TENM4: variants seen among roughly 807,000 people sequenced by gnomAD.
The protein encoded by TENM4 is teneurin transmembrane protein 4, also known as teneurin-4.
A neutral mutation model predicts 243.3 loss-of-function variants in TENM4; 82 were observed. That is an observed-to-expected ratio of 0.34 (90% confidence interval 0.28 to 0.40). The LOEUF is 0.40. TENM4 is among the 10% of genes least tolerant of loss of function. The pLI, the probability that TENM4 is intolerant of heterozygous loss-of-function variation, is 1.00. For missense variants in TENM4, 3,138 were observed against 3,673.3 expected (o/e 0.85, Z 3.77); for synonymous variants, 1,412 against 1,456.3 (o/e 0.97, Z 0.69).
intron 3 of TENM4, among the ~76,000 whole-genome samples, chr11:79,151,290 C>T (rs1591317470): frequency 6.6e-6 from 1 of 152,188 alleles, no homozygotes; most frequent in African/African-American, 2.4e-5. Context: ...GCTGTGGCAG[C>T]TCTACAATGA....
At chr11:79,113,392 G>GGTGTGTGTGTGT (rs113144339) in intron 4 of TENM4, among the ~76,000 whole-genome samples, 7,640 of 145,064 alleles carry the variant, frequency 0.053, 218 homozygotes, top group Middle Eastern at 0.078. Context: ...CTATTGGATT[G>GGTGTGTGTGTGT]GTGTGTGTGT....
chr11:78,824,546 G>C (rs1349209386), intron 12 of TENM4, among the ~76,000 whole-genome samples: 1 of 147,276 alleles, frequency 6.8e-6, no homozygotes, highest in Non-Finnish European at 1.5e-5. Flanking sequence ...CTGTTGCCCA[G>C]GCTGGAGTGC....
chr11:78,837,165 G>A (rs1036734888), intron 12 of TENM4, among the ~76,000 whole-genome samples: 12 of 152,124 alleles, frequency 7.9e-5, no homozygotes, highest in African/African-American at 2.9e-4. Context: ...ATTCCCATAC[G>A]TTGTGGGAGG....
intron 1 of TENM4, among the ~76,000 whole-genome samples, chr11:79,383,146 C>A (rs1305374377): frequency 6.6e-6 from 1 of 152,212 alleles, no homozygotes; most frequent in Non-Finnish European, 1.5e-5. Flanking sequence ...GGCCACCCCT[C>A]ACTGGCTTTG....
At chr11:78,898,185 C>A (rs1285222142) in intron 7 of TENM4, among the ~76,000 whole-genome samples, 1 of 152,220 alleles carries the variant, frequency 6.6e-6, no homozygotes. Flanking sequence ...TAGGCCCAGG[C>A]TCCTCAATGG....
chr11:79,366,849 G>A (rs493736), intron 1 of TENM4, among the ~76,000 whole-genome samples: 26,622 of 152,108 alleles, frequency 0.18, 2,668 homozygotes, highest in East Asian at 0.33. Context: ...ATGAATGAGT[G>A]ATACAAGTCA....
In TENM4 at chr11:79,438,001, CCA is replaced by C. The variant is rs1240550789; in HGVS notation, c.-321+2506_-321+2507del. ...GCAGCGGCAGGAAATCCGAAGGGCCCCACAGGTCTGCGGGAGGGAGGATTTAT... is the reference window on the plus strand; with the variant it reads ...GCAGCGGCAGGAAATCCGAAGGGCCCCAGGTCTGCGGGAGGGAGGATTTAT... On this transcript the variant is annotated intron_variant, in intron 1 of 33. Coordinates refer to ENST00000278550, the MANE Select transcript of TENM4 (RefSeq NM_001098816.3). This position sits in a 1 kb window ranked among gnomAD's most constrained non-coding sequence, Gnocchi z 4.1. Among the ~76,000 whole-genome samples, 4 of 152,258 alleles carry C rather than the reference CCA, an allele frequency of 2.6e-5. No homozygotes were observed. In the East Asian group the frequency reaches 7.7e-4, roughly 29 times the overall value.
chr11:78,876,963 TG>T (rs1859282857), intron 9 of TENM4, among the ~76,000 whole-genome samples: 1 of 152,234 alleles, frequency 6.6e-6, no homozygotes, highest in African/African-American at 2.4e-5. Context: ...TCCACTGGAC[TG>T]GGCCCTTTGC....
intron 3 of TENM4, among the ~76,000 whole-genome samples, chr11:79,162,549 A>G (rs1398370170): frequency 6.6e-6 from 1 of 152,094 alleles, no homozygotes; most frequent in Non-Finnish European, 1.5e-5. Context: ...TTAGGCCAGG[A>G]AGATAAGTAT....
chr11:78,940,041 G>GA (rs560727913), intron 6 of TENM4, among the ~76,000 whole-genome samples: 84 of 150,870 alleles, frequency 5.6e-4, no homozygotes, highest in African/African-American at 1.9e-3. Flanking sequence ...AAGTACAAAG[G>GA]AAAAAAAACA....
chr11:79,140,144 C>T (rs947447415), intron 4 of TENM4, among the ~76,000 whole-genome samples: 13 of 152,050 alleles, frequency 8.5e-5, no homozygotes, highest in Middle Eastern at 6.8e-3. Context: ...CTTCAACTCC[C>T]CAGAATCATA....
intron 6 of TENM4, among the ~76,000 whole-genome samples, chr11:78,999,908 T>G (rs1243579183): frequency 6.6e-6 from 1 of 151,804 alleles, no homozygotes; most frequent in African/African-American, 2.4e-5. Flanking sequence ...AATCTATATA[T>G]CCAAGAAGCA....
chr11:79,144,608 A>C (rs1862361304), intron 4 of TENM4, among the ~76,000 whole-genome samples: 1 of 152,122 alleles, frequency 6.6e-6, no homozygotes, highest in Non-Finnish European at 1.5e-5. Context: ...ATAAAAAATA[A>C]AGAGATCCTG....
chr11:78,844,305 C>A (rs997448237), intron 12 of TENM4, among the ~76,000 whole-genome samples: 2 of 152,166 alleles, frequency 1.3e-5, no homozygotes, highest in Non-Finnish European at 2.9e-5. Context: ...TTAAGTGAGG[C>A]TCACAGTAGT....
chr11:78,757,231 G>A (rs1279988775), intron 18 of TENM4, among the ~76,000 whole-genome samples: 1 of 152,246 alleles, frequency 6.6e-6, no homozygotes, highest in Non-Finnish European at 1.5e-5. Context: ...GAGATAGACA[G>A]TAAGTGTACA....
At chr11:78,696,685 A>C (rs558658811) in intron 28 of TENM4, among the ~76,000 whole-genome samples, 1 of 152,298 alleles carries the variant, frequency 6.6e-6, no homozygotes, top group South Asian at 2.1e-4. Context: ...CAAGGTCCAC[A>C]GTTCAGCCCT....
intron 6 of TENM4, among the ~76,000 whole-genome samples, chr11:79,018,127 T>G (rs544544722): frequency 6.6e-6 from 1 of 152,290 alleles, no homozygotes; most frequent in Non-Finnish European, 1.5e-5. Flanking sequence ...GTTGCCCAAC[T>G]GAATGCAAGG....
intron 1 of TENM4, among the ~76,000 whole-genome samples, chr11:79,369,771 C>T (rs1857746459): frequency 6.6e-6 from 1 of 152,224 alleles, no homozygotes; most frequent in African/African-American, 2.4e-5. Context: ...AACCTTCTCT[C>T]AACTGTGACT....
intron 3 of TENM4, among the ~76,000 whole-genome samples, chr11:79,163,950 A>ACTATATAT (rs572913580): frequency 0.012 from 1,617 of 140,224 alleles, 40 homozygotes; most frequent in South Asian, 0.052. Flanking sequence ...TCTATATAGT[A>ACTATATAT]CTATATATCT....
Sources: gnomAD v4.1 joint callset for allele counts (sites outside exome capture counted in the v4.1 genomes callset) on GRCh38, gnomAD v4.1.1 for gene constraint, Gnocchi (gnomAD v3.1) non-coding constraint, MANE v1.5 for transcripts, NCBI Gene and HGNC (gene_info 2026-07-23, HGNC 2026-07-21) for gene names.